Variants in ADCY9 observed in about 807,000 individuals in gnomAD.
ADCY9 encodes adenylate cyclase type 9.
ADCY9 carries 50 observed loss-of-function variants against 101.5 expected under a neutral mutation model. The ratio of observed to expected loss-of-function variants is 0.49; its 90% CI spans 0.39 to 0.62. The LOEUF (loss-of-function observed/expected upper bound fraction) is 0.62, where lower values mean the gene tolerates loss of function less well. Ranked by LOEUF, ADCY9 falls within the 20% of genes least tolerant of loss-of-function variation. The pLI is 0.00. For synonymous variants in ADCY9, 905 were observed against 769.3 expected (o/e 1.18, Z -2.92); for missense variants, 1,662 against 1,800.4 (o/e 0.92, Z 1.39).
At chr16:4,054,437 G>A (rs1479551658) in intron 2 of ADCY9, among the ~76,000 whole-genome samples, 1 of 152,110 alleles carries the variant, frequency 6.6e-6, no homozygotes, top group South Asian at 2.1e-4. Context: ...GTTCTGAAAT[G>A]ATTTTCACTC....
chr16:4,032,382 AG>A (rs1281373931), intron 2 of ADCY9, among the ~76,000 whole-genome samples: 1 of 151,832 alleles, frequency 6.6e-6, no homozygotes, highest in African/African-American at 2.4e-5. Context: ...CGGCAGGTGG[AG>A]GGCAGGACGG....
chr16:3,976,694 G>C (rs1183058465), intron 9 of ADCY9, among the ~76,000 whole-genome samples: 3 of 152,164 alleles, frequency 2.0e-5, no homozygotes, highest in Non-Finnish European at 1.5e-5. Flanking sequence ...TCTCACTCTT[G>C]TCACCCAGGC....
In ADCY9 at chr16:3,970,391, G is replaced by A. The variant is rs190615135; in HGVS notation, c.2871-3425C>T. The stretch of plus-strand genomic sequence containing the variant: ...TGCCCTGGCTGGAGTGCAATGGCGC[G>A]ACCTTGGCTCACTGCAACCTCCGCT... On this transcript the variant is annotated intron_variant, in intron 10 of 10. Coordinates refer to ENST00000294016, the MANE Select transcript of ADCY9 (RefSeq NM_001116.4). 7.2e-5 allele frequency among the ~76,000 whole-genome samples: 11 copies of A among 151,814 alleles called. No homozygotes were observed. The East Asian group carries it at 1.2e-3, about 16-fold the overall frequency.
At chr16:4,024,105 C>T (rs1567442279) in intron 2 of ADCY9, among the ~76,000 whole-genome samples, 3 of 151,934 alleles carry the variant, frequency 2.0e-5, no homozygotes, top group Admixed American at 6.6e-5. Flanking sequence ...TCACTGCAAC[C>T]TCCGCCTCCT....
chr16:3,954,199 C>T (rs575961751), intron 5 of ADCY9, among the ~76,000 whole-genome samples: 29 of 152,342 alleles, frequency 1.9e-4, no homozygotes, highest in Admixed American at 6.5e-4. Context: ...GCAGGACGGG[C>T]GTCGCTGAGC....
chr16:4,007,574 G>T lies in ADCY9; in HGVS notation c.1694-16C>A, dbSNP rs371978243. 3.1e-6 allele frequency: 5 copies of T among 1,597,872 alleles called. No homozygotes were observed. The highest frequency in any genetic ancestry group is 1.7e-5 in the Admixed American group (1 of 57,180). The stretch of plus-strand genomic sequence containing the variant: ...GTCTTCAAACCTATGATGGATAAAA[G>T]TTACAGTCAGCACAGATTGAAAGCA... On this transcript the variant is annotated splice_polypyrimidine_tract_variant and intron_variant, in intron 2 of 10. Transcript: ENST00000294016.
At chr16:3,991,506 A>G (rs1481058919) in intron 5 of ADCY9, among the ~76,000 whole-genome samples, 1 of 152,132 alleles carries the variant, frequency 6.6e-6, no homozygotes, top group Non-Finnish European at 1.5e-5. Context: ...CACACCTGTA[A>G]TCCCAGCACT....
intron 2 of ADCY9, among the ~76,000 whole-genome samples, chr16:4,111,945 G>C (rs564193997): frequency 6.6e-6 from 1 of 151,670 alleles, no homozygotes; most frequent in South Asian, 2.1e-4. Flanking sequence ...CAATGACTTG[G>C]CAATTTCCAA....
rs1213033420 is a variant in ADCY9, at chr16:3,966,858, G to A, written c.2979C>T (p.Val993=). The change falls in exon 11 of 11, where the codon GTC becomes GTT. Residue 993 remains valine, a synonymous_variant. Transcript: ENST00000294016. ...VLVFFLLLLL[V]WFLNREFEVS... ...CTTCAAATTCGCGATTCAGGAACCA[G>A]ACCAACAAGAGCAGGAGAAAGAAGA... 3 of 1,614,226 alleles carry A rather than the reference G, an allele frequency of 1.9e-6. No homozygotes were observed. Among genetic ancestry groups the A allele is most frequent in the South Asian group, 1.1e-5 (1 of 91,084 alleles).
chr16:4,075,558 C>T (rs550941299), intron 2 of ADCY9, among the ~76,000 whole-genome samples: 151 of 152,290 alleles, frequency 9.9e-4, no homozygotes, highest in Middle Eastern at 6.8e-3. Flanking sequence ...AAGAAATGTA[C>T]CCGGTCCCAT....
At chr16:4,056,024 G>A (rs1273352237) in intron 2 of ADCY9, among the ~76,000 whole-genome samples, 1 of 152,132 alleles carries the variant, frequency 6.6e-6, no homozygotes, top group Non-Finnish European at 1.5e-5. Flanking sequence ...AGCTCCCATA[G>A]ACAGGCAGTG....
intron 8 of ADCY9, among the ~76,000 whole-genome samples, chr16:3,977,919 G>T (rs1418558095): frequency 1.3e-5 from 2 of 152,110 alleles, no homozygotes; most frequent in East Asian, 3.9e-4. Flanking sequence ...GTTTCACCAT[G>T]TTGGCCAGGC....
intron 2 of ADCY9, among the ~76,000 whole-genome samples, chr16:4,080,802 C>T (rs1161685549): frequency 2.1e-5 from 3 of 146,246 alleles, no homozygotes; most frequent in African/African-American, 7.6e-5. Flanking sequence ...AGCACTTTTT[C>T]CCCCTTGCCT....
intron 4 of ADCY9, 60 bp downstream of exon 4, chr16:3,993,346 C>T (rs769833127): frequency 6.3e-7 from 1 of 1,598,046 alleles, no homozygotes; most frequent in Non-Finnish European, 8.6e-7. Flanking sequence ...ACAGGAATGT[C>T]ACCTTGGGTG....
At chr16:4,029,030 T>C (rs562481758) in intron 2 of ADCY9, among the ~76,000 whole-genome samples, 1 of 151,998 alleles carries the variant, frequency 6.6e-6, no homozygotes, top group African/African-American at 2.4e-5. Flanking sequence ...TGATCCACCC[T>C]CCTCGGCCTC....
chr16:4,101,827 C>G (rs529876684), intron 2 of ADCY9, among the ~76,000 whole-genome samples: 8 of 152,160 alleles, frequency 5.3e-5, no homozygotes, highest in African/African-American at 9.7e-5. Flanking sequence ...CCTCAACCAT[C>G]GAGGGGCCCA....
chr16:4,067,190 T>G (rs1375820428), intron 2 of ADCY9, among the ~76,000 whole-genome samples: 1 of 151,992 alleles, frequency 6.6e-6, no homozygotes, highest in Non-Finnish European at 1.5e-5. Flanking sequence ...AAGTGCAGGG[T>G]TTTTAAAAAA....
At chr16:4,045,943 C>A (rs146523306) in intron 2 of ADCY9, among the ~76,000 whole-genome samples, 44 of 138,616 alleles carry the variant, frequency 3.2e-4, no homozygotes, top group African/African-American at 1.1e-3. Context: ...CTCCTAGGCT[C>A]AAGCGATCCT....
At chr16:4,048,804 A>G (rs1392759021) in intron 2 of ADCY9, among the ~76,000 whole-genome samples, 1 of 152,066 alleles carries the variant, frequency 6.6e-6, no homozygotes, top group East Asian at 1.9e-4. Flanking sequence ...ACGGCACTCT[A>G]GTAGGGCTGC....
Sources: allele counts gnomAD v4.1 joint callset (sites outside exome capture counted in the v4.1 genomes callset), GRCh38; gene constraint gnomAD v4.1.1; transcripts MANE v1.5; gene names NCBI Gene and HGNC (gene_info 2026-07-23, HGNC 2026-07-21).